The following HYCC2 variants were observed in gnomAD, a reference collection of about 807,000 sequenced individuals.
HYCC2 encodes hyccin PI4KA lipid kinase complex subunit 2, also known as hyccin 2.
chr2:201,048,848 G>A, the HYCC2 span, among the ~76,000 whole-genome samples: 1 of 152,100 alleles, frequency 6.6e-6, no homozygotes, highest in African/African-American at 2.4e-5. Context: ...ACATAAAGCA[G>A]CAGGGCATGG....
At chr2:201,023,130 C>T in the HYCC2 span, among the ~76,000 whole-genome samples, 3 of 152,166 alleles carry the variant, frequency 2.0e-5, no homozygotes, top group African/African-American at 7.2e-5. Flanking sequence ...AAGCGTATCA[C>T]TTGTGGTCAG....
the HYCC2 span, chr2:200,974,664 CT>C: frequency 6.6e-6 from 1 of 151,926 alleles, no homozygotes; most frequent in Non-Finnish European, 1.5e-5. Context: ...ATACTCATTA[CT>C]TTTCAACTAC....
the HYCC2 span, among the ~76,000 whole-genome samples, chr2:201,015,030 T>G: frequency 6.6e-6 from 1 of 152,144 alleles, no homozygotes; most frequent in African/African-American, 2.4e-5. Flanking sequence ...AACACTGTGG[T>G]TTCTCAATTG....
the HYCC2 span, chr2:201,066,969 G>T: frequency 3.8e-6 from 1 of 263,338 alleles, no homozygotes; most frequent in South Asian, 4.2e-5. Context: ...AGTTCCTGCT[G>T]ACCAGAGTTC....
chr2:201,054,051 C>G, the HYCC2 span, among the ~76,000 whole-genome samples: 1 of 152,150 alleles, frequency 6.6e-6, no homozygotes, highest in Non-Finnish European at 1.5e-5. Flanking sequence ...CCATAAAAGA[C>G]TCTGAAAAGC....
the HYCC2 span, chr2:201,063,986 C>T: frequency 1.5e-5 from 24 of 1,597,614 alleles, no homozygotes; most frequent in Admixed American, 3.3e-5. Context: ...TGCAAAACCA[C>T]GAAACTAAGG....
the HYCC2 span, among the ~76,000 whole-genome samples, chr2:201,038,482 T>C: frequency 1.3e-5 from 2 of 152,134 alleles, no homozygotes; most frequent in Admixed American, 1.3e-4. Flanking sequence ...AGCAAAGACT[T>C]GGAACCAACC....
At chr2:201,037,296 C>T in the HYCC2 span, among the ~76,000 whole-genome samples, 16 of 152,152 alleles carry the variant, frequency 1.1e-4, no homozygotes, top group East Asian at 5.8e-4. Flanking sequence ...GAATCAATAT[C>T]GTGAAAATGG....
chr2:200,974,521 A>T, the HYCC2 span: 1 of 152,044 alleles, frequency 6.6e-6, no homozygotes. Flanking sequence ...AAATATTTTT[A>T]AACATGGAGC....
chr2:201,056,437 G>A, the HYCC2 span, among the ~76,000 whole-genome samples: 1 of 152,112 alleles, frequency 6.6e-6, no homozygotes, highest in South Asian at 2.1e-4. Flanking sequence ...CACTTTGCGA[G>A]GCTGAGGCAG....
chr2:201,012,224 C>T, the HYCC2 span, among the ~76,000 whole-genome samples: 1 of 152,142 alleles, frequency 6.6e-6, no homozygotes, highest in Non-Finnish European at 1.5e-5. Flanking sequence ...CTTTGGGAGG[C>T]CAAGGCAGTC....
chr2:201,057,034 G>A, the HYCC2 span, among the ~76,000 whole-genome samples: 1 of 152,220 alleles, frequency 6.6e-6, no homozygotes, highest in Non-Finnish European at 1.5e-5. Flanking sequence ...GAGAACTACT[G>A]CTTCTGAAGA....
At chr2:201,069,182 C>T in the HYCC2 span, among the ~76,000 whole-genome samples, 1 of 152,164 alleles carries the variant, frequency 6.6e-6, no homozygotes, top group Admixed American at 6.5e-5. Context: ...GATGCCAAAA[C>T]TGTATTGCAA....
chr2:201,066,669 T>C, the HYCC2 span: 9 of 152,272 alleles, frequency 5.9e-5, no homozygotes, highest in African/African-American at 1.2e-4. Flanking sequence ...TAATTAAGAA[T>C]CAGGGAGACT....
chr2:200,992,169 GT>G, the HYCC2 span: 1 of 713,870 alleles, frequency 1.4e-6, no homozygotes, highest in Non-Finnish European at 2.4e-6. Context: ...TTAACCAACT[GT>G]TATCATGGAA....
the HYCC2 span, among the ~76,000 whole-genome samples, chr2:201,041,700 G>T: frequency 1.3e-5 from 2 of 152,044 alleles, no homozygotes; most frequent in Admixed American, 6.5e-5. Flanking sequence ...AGAGAACAGG[G>T]TACATTTTTG....
At chr2:201,011,974 T>C in the HYCC2 span, among the ~76,000 whole-genome samples, 3 of 152,234 alleles carry the variant, frequency 2.0e-5, no homozygotes, top group East Asian at 1.9e-4. Context: ...TATATATTTA[T>C]GGCATAAAAC....
At chr2:201,017,717 A>C in the HYCC2 span, among the ~76,000 whole-genome samples, 1 of 152,196 alleles carries the variant, frequency 6.6e-6, no homozygotes, top group African/African-American at 2.4e-5. Flanking sequence ...AAAATTCTGT[A>C]CATATTTTGG....
At chr2:201,012,756 C>T in the HYCC2 span, among the ~76,000 whole-genome samples, 5 of 151,528 alleles carry the variant, frequency 3.3e-5, no homozygotes, top group East Asian at 9.9e-4. Flanking sequence ...ACCAGCCTGG[C>T]CAACAAGATG....
Sources: allele counts gnomAD v4.1 joint callset (sites outside exome capture counted in the v4.1 genomes callset), GRCh38; gene constraint gnomAD v4.1.1; transcripts MANE v1.5; gene names NCBI Gene and HGNC (gene_info 2026-07-23, HGNC 2026-07-21).